Variants in ANKRD55 observed in about 807,000 individuals in gnomAD.
ANKRD55 encodes the protein ankyrin repeat domain 55.
ANKRD55 carries 41 observed loss-of-function variants against 60.6 expected under a neutral mutation model. That is an observed-to-expected ratio of 0.68 (90% CI 0.53 to 0.88). The LOEUF is 0.88. Ranked by LOEUF, ANKRD55 falls within the 40% of genes least tolerant of loss-of-function variation. ANKRD55 has a pLI of 0.00. For missense variants in ANKRD55, 732 were observed against 767.6 expected (o/e 0.95, Z 0.55); for synonymous variants, 264 against 290.3 (o/e 0.91, Z 0.92).
At chr5:56,215,401 G>T (rs1272269732) in intron 2 of ANKRD55, among the ~76,000 whole-genome samples, 2 of 152,188 alleles carry the variant, frequency 1.3e-5, no homozygotes, top group Non-Finnish European at 2.9e-5. Flanking sequence ...AAGAGGTGGG[G>T]CTGTCACACT....
At chr5:56,232,745 A>AAC (rs142447793) in intron 2 of ANKRD55, 111 bp downstream of exon 2, 109,515 of 847,224 alleles carry the variant, frequency 0.13, 1,729 homozygotes, top group East Asian at 0.21. Flanking sequence ...CACGCACATG[A>AAC]ACACACACAC....
At chr5:56,217,812 C>T (rs139986618) in intron 2 of ANKRD55, among the ~76,000 whole-genome samples, 14,896 of 151,424 alleles carry the variant, frequency 0.098, 1,297 homozygotes, top group African/African-American at 0.24. Context: ...AGGAGAATGG[C>T]ATGAACCCAG....
intron 8 of ANKRD55, among the ~76,000 whole-genome samples, chr5:56,126,279 T>C (rs1041519833): frequency 6.6e-6 from 1 of 152,260 alleles, no homozygotes; most frequent in African/African-American, 2.4e-5. Context: ...TATATTTTTC[T>C]TACATTTCCA....
intron 9 of ANKRD55, among the ~76,000 whole-genome samples, chr5:56,115,647 A>G (rs1216901264): frequency 2.6e-5 from 4 of 152,118 alleles, no homozygotes; most frequent in Non-Finnish European, 4.4e-5. Flanking sequence ...TTAAGCTTGT[A>G]TTAAGCTACC....
chr5:56,193,360 A>G, intron 2 of ANKRD55: 1 of 766,924 alleles, frequency 1.3e-6, no homozygotes, highest in Non-Finnish European at 2.2e-6. Flanking sequence ...CCTTTGTTTC[A>G]GAACACCATT....
chr5:56,117,359 G>A (rs1015261291), intron 8 of ANKRD55, among the ~76,000 whole-genome samples: 1 of 152,086 alleles, frequency 6.6e-6, no homozygotes, highest in Admixed American at 6.6e-5. Flanking sequence ...TTACTAATTT[G>A]TATGTGCTCT....
chr5:56,126,819 G>A, intron 8 of ANKRD55, 103 bp downstream of exon 8: 2 of 1,274,304 alleles, frequency 1.6e-6, no homozygotes, highest in Admixed American at 2.4e-5. Context: ...CTGGCAATAG[G>A]GATATAGCTG....
At chr5:56,222,491 C>T (rs1053372079) in intron 2 of ANKRD55, among the ~76,000 whole-genome samples, 19 of 152,090 alleles carry the variant, frequency 1.2e-4, no homozygotes, top group African/African-American at 2.7e-4. Flanking sequence ...CAAAGCTGGA[C>T]GGAGAATGAC....
At chr5:56,195,695 C>T (rs980420455) in intron 2 of ANKRD55, among the ~76,000 whole-genome samples, 11 of 152,172 alleles carry the variant, frequency 7.2e-5, no homozygotes, top group African/African-American at 2.7e-4. Flanking sequence ...CTACCCATCT[C>T]CGCCTCCCAA....
Position 56,111,257 on chromosome 5 carries a change from A to T in ANKRD55, c.1491T>A (p.Asp497Glu), listed in dbSNP as rs761626313. Residue 497 changes from aspartate to glutamate, a missense_variant, in exon 10 of 12, where the codon GAT becomes GAA. Transcript: ENST00000341048. ...QMLLDNPWKSDSNQVFSYKVW... is the reference protein window; with the variant it reads ...QMLLDNPWKSESNQVFSYKVW... ...CTTTGTAGGAAAATACCTGATTAGA[A>T]TCACTCTTCCAGGGGTTATCTAGTA... The T allele has an allele frequency of 6.8e-6, 11 of 1,613,682 alleles. 1 individual carries two copies. Among genetic ancestry groups the T allele is most frequent in the Non-Finnish European group, 9.3e-6 (11 of 1,179,676 alleles).
intron 2 of ANKRD55, among the ~76,000 whole-genome samples, chr5:56,199,931 G>C (rs969819963): frequency 6.6e-6 from 1 of 151,634 alleles, no homozygotes; most frequent in African/African-American, 2.4e-5. Context: ...GATCACTTGA[G>C]ACCAGTAGTT....
chr5:56,216,845 G>A (rs959936863), intron 2 of ANKRD55, among the ~76,000 whole-genome samples: 6 of 152,240 alleles, frequency 3.9e-5, no homozygotes, highest in African/African-American at 1.4e-4. Flanking sequence ...AAAAATGGAA[G>A]TGAAGCAGCA....
At chr5:56,212,442 C>T (rs1759698421) in intron 2 of ANKRD55, among the ~76,000 whole-genome samples, 1 of 152,054 alleles carries the variant, frequency 6.6e-6, no homozygotes, top group South Asian at 2.1e-4. Flanking sequence ...CAAATTCTAA[C>T]AAATGCAGTA....
intron 8 of ANKRD55, among the ~76,000 whole-genome samples, chr5:56,125,510 C>A (rs1446769975): frequency 6.6e-6 from 1 of 152,050 alleles, no homozygotes; most frequent in Non-Finnish European, 1.5e-5. Flanking sequence ...AAACTCCTGA[C>A]CTCAAGTGAT....
chr5:56,138,129 T>TTC (rs1176413822), intron 7 of ANKRD55, among the ~76,000 whole-genome samples: 4 of 145,722 alleles, frequency 2.7e-5, no homozygotes, highest in Admixed American at 2.7e-4. Context: ...TTCTTTTTCT[T>TTC]TTTTTTTTTT....
chr5:56,106,476 A>C (rs991296830), intron 10 of ANKRD55, among the ~76,000 whole-genome samples: 16 of 123,018 alleles, frequency 1.3e-4, no homozygotes, highest in African/African-American at 5.6e-4. Context: ...CCCAGGCTGG[A>C]GTGCAGGTGC....
chr5:56,222,212 G>A (rs779507102), intron 2 of ANKRD55, among the ~76,000 whole-genome samples: 17 of 152,184 alleles, frequency 1.1e-4, no homozygotes, highest in African/African-American at 1.9e-4. Flanking sequence ...TGCAGCCTCC[G>A]CTGGTGATAC....
At chr5:56,222,013 G>A (rs896225971) in intron 2 of ANKRD55, among the ~76,000 whole-genome samples, 13 of 152,166 alleles carry the variant, frequency 8.5e-5, no homozygotes, top group South Asian at 2.1e-4. Flanking sequence ...CTCCCAGCAC[G>A]GAGTTTGAGA....
chr5:56,128,598 A>G (rs895925596), intron 7 of ANKRD55, among the ~76,000 whole-genome samples: 14 of 152,164 alleles, frequency 9.2e-5, no homozygotes, highest in African/African-American at 3.4e-4. Flanking sequence ...TTTGTATTTT[A>G]CTTTTCTTTG....
Sources: allele counts gnomAD v4.1 joint callset (sites outside exome capture counted in the v4.1 genomes callset), GRCh38; gene constraint gnomAD v4.1.1; transcripts MANE v1.5; gene names NCBI Gene and HGNC (gene_info 2026-07-23, HGNC 2026-07-21).